The following NOL4 variants were observed in gnomAD, a reference collection of about 807,000 sequenced individuals.
NOL4 encodes cancer/testis antigen 125.
NOL4 carries 17 observed loss-of-function variants against 75.9 expected under a neutral mutation model. The ratio of observed to expected loss-of-function variants is 0.22; its 90% CI spans 0.15 to 0.34. The LOEUF (loss-of-function observed/expected upper bound fraction) is 0.34. Among genes scored for constraint, NOL4 ranks in the 10% least tolerant of loss-of-function variants. NOL4 has a pLI of 1.00. For missense variants in NOL4, 614 were observed against 793.5 expected (o/e 0.77, Z 2.72); for synonymous variants, 292 against 289.9 (o/e 1.01, Z -0.07).
chr18:34,117,874 T>C (rs996429387), intron 2 of NOL4, among the ~76,000 whole-genome samples: 1 of 152,168 alleles, frequency 6.6e-6, no homozygotes, highest in Non-Finnish European at 1.5e-5. Flanking sequence ...AGCCATCACA[T>C]AACGTTGGCA....
intron 10 of NOL4, among the ~76,000 whole-genome samples, chr18:33,863,281 G>A (rs562805193): frequency 6.6e-6 from 1 of 151,896 alleles, no homozygotes; most frequent in East Asian, 1.9e-4. Context: ...TGGGGTAGGG[G>A]AAGGGGGGAG....
At chr18:34,172,394 T>C (rs2033132611) in intron 1 of NOL4, among the ~76,000 whole-genome samples, 1 of 152,110 alleles carries the variant, frequency 6.6e-6, no homozygotes, top group African/African-American at 2.4e-5. Context: ...TGTGTGTATA[T>C]ACATATACTA....
At chr18:33,968,892 T>A (rs1186937020) in intron 6 of NOL4, among the ~76,000 whole-genome samples, 1 of 152,350 alleles carries the variant, frequency 6.6e-6, no homozygotes, top group South Asian at 2.1e-4. Context: ...ACAACAGTTA[T>A]GTAGTAATAT....
At chr18:34,199,145 G>GTTT (rs11323634) in intron 1 of NOL4, among the ~76,000 whole-genome samples, 22 of 131,290 alleles carry the variant, frequency 1.7e-4, no homozygotes, top group African/African-American at 5.9e-4. Flanking sequence ...GGACAGAGAA[G>GTTT]TTTTTTTTTT....
At chr18:34,195,167 A>G (rs1419895153) in intron 1 of NOL4, among the ~76,000 whole-genome samples, 1 of 152,244 alleles carries the variant, frequency 6.6e-6, no homozygotes, top group Non-Finnish European at 1.5e-5. Context: ...AAAAGTTTAC[A>G]GTAAAAAAGG....
At chr18:33,935,644 G>C (rs2068010364) in intron 9 of NOL4, among the ~76,000 whole-genome samples, 1 of 152,072 alleles carries the variant, frequency 6.6e-6, no homozygotes, top group Non-Finnish European at 1.5e-5. Flanking sequence ...GACACACAGT[G>C]ACCACATGCT....
chr18:34,163,205 A>G (rs1237969705), intron 1 of NOL4, among the ~76,000 whole-genome samples: 3 of 151,842 alleles, frequency 2.0e-5, no homozygotes, highest in Non-Finnish European at 4.4e-5. Flanking sequence ...CTCTCTCACC[A>G]CTCCTATTCA....
chr18:33,998,059 A>T (rs1360963652), intron 6 of NOL4, among the ~76,000 whole-genome samples: 3 of 152,162 alleles, frequency 2.0e-5, no homozygotes, highest in African/African-American at 7.2e-5. Flanking sequence ...CCTATGTGAA[A>T]TGTCTAGAAT....
Position 33,959,869 on chromosome 18 carries a change from T to C in NOL4, c.1057-1451A>G, listed in dbSNP as rs1330433513. ...AGATTATATAACTACTGTGTGAACC[T>C]AGGTCTGCCTAAGAGCTAAGAGTGA... On this transcript the variant is annotated intron_variant, in intron 6 of 10. Coordinates refer to ENST00000261592, the MANE Select transcript of NOL4 (RefSeq NM_003787.5). Among the ~76,000 whole-genome samples the C allele has an allele frequency of 2.0e-5, 3 of 152,190 alleles. No homozygotes were observed. In the East Asian group the frequency reaches 5.8e-4, roughly 29 times the overall value.
intron 6 of NOL4, among the ~76,000 whole-genome samples, chr18:34,005,970 C>A (rs1202032929): frequency 6.6e-6 from 1 of 152,066 alleles, no homozygotes; most frequent in African/African-American, 2.4e-5. Context: ...ATACAACATG[C>A]CTTCTTCCTT....
chr18:33,858,310 G>A (rs1042662347), intron 10 of NOL4, among the ~76,000 whole-genome samples: 1 of 151,788 alleles, frequency 6.6e-6, no homozygotes, highest in African/African-American at 2.4e-5. Context: ...TTGTTTGTAG[G>A]CCATTTCATT....
At chr18:34,049,562 T>C (rs2076540433) in intron 5 of NOL4, among the ~76,000 whole-genome samples, 1 of 152,020 alleles carries the variant, frequency 6.6e-6, no homozygotes, top group Non-Finnish European at 1.5e-5. Flanking sequence ...AGTTTTCCCC[T>C]CCCAGCAGCA....
intron 6 of NOL4, among the ~76,000 whole-genome samples, chr18:34,006,451 AG>A (rs1024180352): frequency 2.0e-4 from 30 of 152,070 alleles, no homozygotes; most frequent in Non-Finnish European, 8.8e-5. Flanking sequence ...ATCTACTAGC[AG>A]CAGACACCAA....
At chr18:33,881,724 CA>C (rs1436603296) in intron 10 of NOL4, among the ~76,000 whole-genome samples, 1 of 152,034 alleles carries the variant, frequency 6.6e-6, no homozygotes, top group African/African-American at 2.4e-5. Context: ...CATATGGAAC[CA>C]AAAACGAGCC....
intron 2 of NOL4, among the ~76,000 whole-genome samples, chr18:34,122,467 A>G (rs895481264): frequency 2.0e-5 from 3 of 152,134 alleles, no homozygotes; most frequent in African/African-American, 7.2e-5. Context: ...AACATCTGTT[A>G]CCCCAAAAAC....
intron 1 of NOL4, among the ~76,000 whole-genome samples, chr18:34,163,561 C>G (rs979841943): frequency 2.6e-5 from 4 of 152,048 alleles, no homozygotes; most frequent in Non-Finnish European, 4.4e-5. Flanking sequence ...TCAAGGAGAA[C>G]TACAAACCAC....
rs190883198 is a variant in NOL4 at position 33,851,508 on chromosome 18, T to A, written c.*1334A>T. 1.3e-5 allele frequency: 2 copies of A among 152,432 alleles called. No individual in the cohort carries two copies. The highest frequency in any genetic ancestry group is 6.6e-5 in the Admixed American group (1 of 15,228). The allele number at this position is 152,432 out of a possible 1,614,324, so 9.4% of individuals were successfully genotyped here. On this transcript the variant is annotated 3_prime_UTR_variant, in exon 11 of 11. Transcript: ENST00000261592. ...ATTGTCAAAAACTGAATGACATAAA[T>A]TTTACATGAAATAAGGCAAATTCAG...
intron 6 of NOL4, among the ~76,000 whole-genome samples, chr18:34,004,157 T>C (rs991879441): frequency 2.0e-5 from 3 of 152,078 alleles, no homozygotes; most frequent in African/African-American, 7.2e-5. Context: ...AATCCACCTA[T>C]GACCAGGAAA....
At chr18:34,059,291 C>A (rs968963300) in intron 5 of NOL4, among the ~76,000 whole-genome samples, 2 of 152,032 alleles carry the variant, frequency 1.3e-5, no homozygotes, top group South Asian at 2.1e-4. Context: ...TCTTTCTCAG[C>A]ATTTACTGAA....
Sources: allele counts gnomAD v4.1 joint callset (sites outside exome capture counted in the v4.1 genomes callset), GRCh38; gene constraint gnomAD v4.1.1; transcripts MANE v1.5; gene names NCBI Gene and HGNC (gene_info 2026-07-23, HGNC 2026-07-21).